Variants in ISCA1 observed in about 807,000 individuals in gnomAD.
ISCA1 encodes iron-sulfur cluster assembly 1 homolog, mitochondrial.
Under a neutral mutation model 14.7 loss-of-function variants are expected in ISCA1, and 9 were observed. The observed-to-expected ratio is 0.61, with a 90% CI of 0.37 to 1.07. The LOEUF is 1.07. Among genes scored for constraint, ISCA1 ranks in the 50% least tolerant of loss-of-function variants. ISCA1 has a pLI of 0.01. For missense variants in ISCA1, 102 were observed against 150.1 expected (o/e 0.68, Z 1.67); for synonymous variants, 38 against 54.3 (o/e 0.70, Z 1.32).
chr9:86,271,130 T>C (rs1409122485), intron 3 of ISCA1, among the ~76,000 whole-genome samples: 3 of 152,102 alleles, frequency 2.0e-5, no homozygotes, highest in African/African-American at 4.8e-5. Context: ...ACTATACTTT[T>C]TCTTTGTTTA....
chr9:86,282,266 G>A (rs946227724), intron 1 of ISCA1, 112 bp downstream of exon 1: 2 of 1,198,914 alleles, frequency 1.7e-6, no homozygotes, highest in Non-Finnish European at 2.3e-6. Flanking sequence ...GCGACGCCGA[G>A]GTCTGACGTG....
intron 2 of ISCA1, 71 bp from the exon 3 acceptor site, chr9:86,272,183 A>G: frequency 1.1e-6 from 1 of 924,238 alleles, no homozygotes; most frequent in Non-Finnish European, 1.8e-6. Context: ...TAATAAAGTG[A>G]CAGTAGCCTC....
chr9:86,266,325 T>A (rs1416360843), intron 3 of ISCA1, 134 bp from the exon 4 acceptor site: 8 of 1,365,804 alleles, frequency 5.9e-6, no homozygotes, highest in Non-Finnish European at 5.8e-6. Flanking sequence ...TTAAATTATT[T>A]CCTTAAGGAA....
At chr9:86,280,980 A>C (rs972194738) in intron 1 of ISCA1, among the ~76,000 whole-genome samples, 10 of 152,102 alleles carry the variant, frequency 6.6e-5, no homozygotes, top group African/African-American at 2.4e-4. Context: ...AAAAACAAAA[A>C]ACCCAGTTAA....
intron 1 of ISCA1, among the ~76,000 whole-genome samples, chr9:86,279,475 C>T (rs1235013382): frequency 3.3e-5 from 5 of 152,186 alleles, no homozygotes; most frequent in Non-Finnish European, 7.3e-5. Context: ...CTGATAATGA[C>T]AGCATTGAAC....
At chr9:86,268,339 A>T (rs949173954) in intron 3 of ISCA1, among the ~76,000 whole-genome samples, 1 of 151,984 alleles carries the variant, frequency 6.6e-6, no homozygotes, top group Non-Finnish European at 1.5e-5. Context: ...TAAAATGTTT[A>T]TAAAGAAAAA....
chr9:86,274,297 A>G (rs1825412017), intron 1 of ISCA1, 55 bp from the exon 2 acceptor site: 1 of 1,164,070 alleles, frequency 8.6e-7, no homozygotes, highest in Non-Finnish European at 1.3e-6. Context: ...AAAGCCTCAT[A>G]TTTATCAGTC....
At position 86,272,058 on chromosome 9, in the gene ISCA1, G is replaced by A; in HGVS notation, c.190C>T (p.Leu64=). ...TRGCNGLSYT[L]EYTKTKGDSD... is the part of the protein sequence containing the mutation. ...TCTCCTTTTGTCTTTGTATATTCTA[G>A]AGTATAAGAAAGGCCATTACAGCCC... The change falls in exon 3 of 4, where the codon CTA becomes TTA. Residue 64 remains leucine (L), a synonymous_variant. Coordinates refer to ENST00000375991, the MANE Select transcript of ISCA1 (RefSeq NM_030940.4). 6.2e-7 allele frequency: 1 copy of A among 1,607,500 alleles called. No individual in the cohort carries two copies. The highest frequency in any genetic ancestry group is 8.5e-7 in the Non-Finnish European group (1 of 1,174,576).
intron 3 of ISCA1, 70 bp from the exon 4 acceptor site, chr9:86,266,261 G>C: frequency 6.6e-7 from 1 of 1,521,178 alleles, no homozygotes; most frequent in Non-Finnish European, 8.8e-7. Context: ...CAAAGCACAA[G>C]TGAACTTGAA....
intron 3 of ISCA1, 46 bp from the exon 4 acceptor site, chr9:86,266,237 G>A: frequency 6.5e-7 from 1 of 1,543,370 alleles, no homozygotes; most frequent in South Asian, 1.3e-5. Flanking sequence ...GCAGCCTTAT[G>A]GAACTTGCTG....
intron 3 of ISCA1, among the ~76,000 whole-genome samples, chr9:86,268,303 C>T (rs1005536396): frequency 2.6e-5 from 4 of 151,802 alleles, no homozygotes; most frequent in South Asian, 2.1e-4. Flanking sequence ...TAAGTTAATA[C>T]GTGTGTTTTT....
intron 1 of ISCA1, among the ~76,000 whole-genome samples, chr9:86,277,037 C>T (rs1367339204): frequency 2.0e-5 from 3 of 152,144 alleles, no homozygotes; most frequent in East Asian, 1.9e-4. Flanking sequence ...ACTCCGTTTA[C>T]CAGCCCCAAA....
intron 1 of ISCA1, among the ~76,000 whole-genome samples, chr9:86,279,904 C>A (rs1825488225): frequency 6.6e-6 from 1 of 152,214 alleles, no homozygotes; most frequent in African/African-American, 2.4e-5. Context: ...CCCACCAACA[C>A]AGGCTGTGTG....
intron 1 of ISCA1, among the ~76,000 whole-genome samples, chr9:86,280,843 G>A (rs1825503789): frequency 6.6e-6 from 1 of 151,954 alleles, no homozygotes; most frequent in African/African-American, 2.4e-5. Context: ...TGGGAGGATC[G>A]CTTGGGCCCA....
Position 86,268,284 on chromosome 9 carries a change from G to A in ISCA1, c.242-2093C>T, listed in dbSNP as rs77244848. Among the ~76,000 whole-genome samples the A allele has an allele frequency of 3.6e-3, 551 of 152,152 alleles. 3 individuals carry two copies. Among genetic ancestry groups the A allele is most frequent in the African/African-American group, 0.013 (527 of 41,524 alleles). The stretch of plus-strand genomic sequence containing the variant: ...CAGGGATATTGATGAACCTGACCCT[G>A]TGGAGGCCTAAGTTAATACGTGTGT... On this transcript the variant is annotated intron_variant, in intron 3 of 3. Coordinates refer to ENST00000375991, the MANE Select transcript of ISCA1 (RefSeq NM_030940.4).
rs949223154 is a variant in ISCA1 at position 86,270,470 on chromosome 9, T to C, written c.241+1537A>G. ...AGGTGCTGGAGAGGATGTGGAGAAA[T>C]AGGAACACTTTTACACTGGTGGTGG... On this transcript the variant is annotated intron_variant, in intron 3 of 3. Coordinates refer to ENST00000375991, the MANE Select transcript of ISCA1 (RefSeq NM_030940.4). 5.3e-5 allele frequency among the ~76,000 whole-genome samples: 8 copies of C among 149,868 alleles called. No individual in the cohort carries two copies. The East Asian group carries it at 9.9e-4, about 18-fold the overall frequency.
Position 86,265,203 on chromosome 9 carries a change from G to A in ISCA1, c.*840C>T, listed in dbSNP as rs536215814. 5 of 152,274 alleles carry A rather than the reference G, an allele frequency of 3.3e-5. No individual in the cohort carries two copies. Among genetic ancestry groups the A allele is most frequent in the South Asian group, 4.1e-4 (2 of 4,828 alleles). The allele number at this position is 152,274 out of a possible 1,614,324, so 9.4% of individuals were successfully genotyped here. ...TAAAGAAGTCAGACCATTTGCCTTC[G>A]CTGACTGCCTCAGAGGGCAGAGCAT... On this transcript the variant is annotated 3_prime_UTR_variant, in exon 4 of 4. Coordinates refer to ENST00000375991, the MANE Select transcript of ISCA1 (RefSeq NM_030940.4).
Position 86,266,139 on chromosome 9 carries a change from TTC to T in ISCA1, c.292_293del (p.Glu98AsnfsTer5). On this transcript the variant is annotated frameshift_variant, in exon 4 of 4. Coordinates refer to ENST00000375991, the MANE Select transcript of ISCA1 (RefSeq NM_030940.4). LOFTEE classifies it high-confidence loss of function. Reference sequence around the variant, plus strand: ...ATAATTTGTCTTCAACATAGTCCATTTCTGTTCCTAAAAGTGTTAGCTGTGCT... The same window carrying T: ...ATAATTTGTCTTCAACATAGTCCATTTGTTCCTAAAAGTGTTAGCTGTGCT... Reference protein sequence around the residue: ...KKAQLTLLGTEMDYVEDKLSS... With the variant: ...KKAQLTLLGTXMDYVEDKLSS... 1 of 1,612,616 alleles carries T rather than the reference TTC, an allele frequency of 6.2e-7. No homozygotes were observed. Among genetic ancestry groups the T allele is most frequent in the Non-Finnish European group, 8.5e-7 (1 of 1,179,460 alleles).
chr9:86,272,146 A>G (rs780635697), intron 2 of ISCA1, 34 bp from the exon 3 acceptor site: 2 of 1,257,196 alleles, frequency 1.6e-6, no homozygotes, highest in Non-Finnish European at 2.3e-6. Flanking sequence ...ACTTGGTTTT[A>G]AAGTAGTACA....
Sources: allele counts gnomAD v4.1 joint callset (sites outside exome capture counted in the v4.1 genomes callset), GRCh38; gene constraint gnomAD v4.1.1; transcripts MANE v1.5; gene names NCBI Gene and HGNC (gene_info 2026-07-23, HGNC 2026-07-21).